The following PKIB variants were observed in gnomAD, a reference collection of about 807,000 sequenced individuals.
PKIB encodes cAMP-dependent protein kinase inhibitor beta.
PKIB carries 2 observed loss-of-function variants against 4.5 expected under a neutral mutation model. The ratio of observed to expected loss-of-function variants is 0.44; its 90% CI spans 0.18 to 1.39. The LOEUF (loss-of-function observed/expected upper bound fraction) is 1.39, where lower values mean the gene tolerates loss of function less well. Ranked by LOEUF, PKIB falls within the 40% of genes most tolerant of loss-of-function variation. The pLI, the probability that PKIB is intolerant of heterozygous loss-of-function variation, is 0.27. For synonymous variants in PKIB, 38 were observed against 36.0 expected (o/e 1.06, Z -0.20); for missense variants, 94 against 92.6 (o/e 1.02, Z -0.06).
intron 2 of PKIB, among the ~76,000 whole-genome samples, chr6:122,524,691 T>A (rs1217548357): frequency 6.6e-6 from 1 of 152,122 alleles, no homozygotes; most frequent in Non-Finnish European, 1.5e-5. Context: ...TATTTCTTCA[T>A]GAGTCAGTCT....
chr6:122,632,376 G>T (rs1775738293), intron 1 of PKIB, among the ~76,000 whole-genome samples: 1 of 152,088 alleles, frequency 6.6e-6, no homozygotes, highest in South Asian at 2.1e-4. Flanking sequence ...AAGAAACATG[G>T]CTCATTCATT....
chr6:122,645,284 A>C (rs1184652705), intron 2 of PKIB, among the ~76,000 whole-genome samples: 3 of 152,202 alleles, frequency 2.0e-5, no homozygotes, highest in Non-Finnish European at 4.4e-5. Flanking sequence ...TGTCAGTATA[A>C]GAGTTGGTGG....
intron 3 of PKIB, among the ~76,000 whole-genome samples, chr6:122,685,094 G>A (rs759406276): frequency 5.3e-5 from 8 of 151,964 alleles, no homozygotes; most frequent in Non-Finnish European, 1.2e-4. Context: ...ACTTGCCCCC[G>A]GTCATAGACA....
At chr6:122,527,100 C>A (rs111310498) in intron 2 of PKIB, among the ~76,000 whole-genome samples, 2 of 152,098 alleles carry the variant, frequency 1.3e-5, no homozygotes, top group African/African-American at 4.8e-5. Context: ...TAGCTCCCAG[C>A]TTTTCTTCTG....
intron 1 of PKIB, among the ~76,000 whole-genome samples, chr6:122,628,319 G>T (rs1235999422): frequency 6.6e-6 from 1 of 152,156 alleles, no homozygotes; most frequent in African/African-American, 2.4e-5. Flanking sequence ...TTACAGGCGT[G>T]AGCCACCGCG....
chr6:122,514,455 A>C (rs1776684644), intron 2 of PKIB, among the ~76,000 whole-genome samples: 1 of 152,244 alleles, frequency 6.6e-6, no homozygotes, highest in Non-Finnish European at 1.5e-5. Flanking sequence ...ACGTGAGTTC[A>C]CAAAAATATT....
At chr6:122,493,859 G>A (rs1266952531) in intron 2 of PKIB, among the ~76,000 whole-genome samples, 1 of 151,950 alleles carries the variant, frequency 6.6e-6, no homozygotes, top group Non-Finnish European at 1.5e-5. Flanking sequence ...CCACAGCCAG[G>A]GACCACATTG....
chr6:122,690,039 G>T (rs567772713), intron 3 of PKIB, among the ~76,000 whole-genome samples: 2 of 141,486 alleles, frequency 1.4e-5, no homozygotes, highest in East Asian at 2.4e-4. Flanking sequence ...TTGTCTTGAA[G>T]TACATTTTTT....
intron 2 of PKIB, among the ~76,000 whole-genome samples, chr6:122,521,611 C>T (rs1236518158): frequency 2.6e-5 from 4 of 151,918 alleles, no homozygotes; most frequent in Admixed American, 6.6e-5. Flanking sequence ...ACACAGGAGG[C>T]GGAGCTTGCA....
intron 1 of PKIB, among the ~76,000 whole-genome samples, chr6:122,617,446 C>G (rs1775040244): frequency 6.6e-6 from 1 of 152,128 alleles, no homozygotes; most frequent in Non-Finnish European, 1.5e-5. Flanking sequence ...TAGTTTGTTT[C>G]AACTCTGAGA....
At chr6:122,578,171 G>T (rs370331782) in intron 2 of PKIB, among the ~76,000 whole-genome samples, 1 of 152,082 alleles carries the variant, frequency 6.6e-6, no homozygotes, top group Admixed American at 6.6e-5. Context: ...TACTTTAAAT[G>T]TGAGTAAAAT....
intron 2 of PKIB, among the ~76,000 whole-genome samples, chr6:122,513,218 C>G (rs1436444174): frequency 6.6e-6 from 1 of 152,174 alleles, no homozygotes; most frequent in African/African-American, 2.4e-5. Flanking sequence ...GAGGAGCATA[C>G]TTTCCCACAC....
chr6:122,577,733 C>A (rs964098260), intron 2 of PKIB, among the ~76,000 whole-genome samples: 1 of 151,738 alleles, frequency 6.6e-6, no homozygotes, highest in Non-Finnish European at 1.5e-5. Flanking sequence ...CACAGTGAAA[C>A]CCCGTCTCTA....
chr6:122,573,737 C>T (rs1773442946), intron 2 of PKIB, among the ~76,000 whole-genome samples: 1 of 151,924 alleles, frequency 6.6e-6, no homozygotes, highest in Non-Finnish European at 1.5e-5. Flanking sequence ...TGTGATAAAA[C>T]CCTCAGCAAA....
In PKIB at chr6:122,621,776, G is replaced by A. The variant is rs1205846780; in HGVS notation, c.-161+11241G>A. 2.6e-5 allele frequency among the ~76,000 whole-genome samples: 4 copies of A among 152,186 alleles called. No individual in the cohort carries two copies. In the East Asian group the frequency reaches 5.8e-4, roughly 22 times the overall value. ...TTAAATAGATTGGACTTGATTGAAC[G>A]TTTCAAATTACAGGAAAAATGGAAT... is the stretch of plus-strand genomic sequence containing the variant. On this transcript the variant is annotated intron_variant, in intron 1 of 4. Transcript: ENST00000368452.
At chr6:122,552,008 G>C (rs73547267) in intron 2 of PKIB, among the ~76,000 whole-genome samples, 1 of 150,024 alleles carries the variant, frequency 6.7e-6, no homozygotes, top group Non-Finnish European at 1.5e-5. Context: ...GTGCATTCTC[G>C]ATGTCATGTT....
chr6:122,705,564 C>CTTTTTTT (rs142542177), intron 3 of PKIB, among the ~76,000 whole-genome samples: 2 of 113,394 alleles, frequency 1.8e-5, no homozygotes, highest in Non-Finnish European at 1.7e-5. Context: ...GAAAGCGCAT[C>CTTTTTTT]TTTTTTTTTT....
intron 2 of PKIB, among the ~76,000 whole-genome samples, chr6:122,522,975 ATTGT>A (rs1776989705): frequency 6.6e-6 from 1 of 152,134 alleles, no homozygotes; most frequent in Non-Finnish European, 1.5e-5. Context: ...GATATCTTTC[ATTGT>A]TTGTTTTGAC....
chr6:122,705,164 A>G (rs184805325), intron 3 of PKIB, among the ~76,000 whole-genome samples: 9 of 152,324 alleles, frequency 5.9e-5, no homozygotes, highest in African/African-American at 2.2e-4. Flanking sequence ...TCCATGATCA[A>G]AAATTTCTCC....
Sources: gnomAD v4.1 joint callset for allele counts (sites outside exome capture counted in the v4.1 genomes callset) on GRCh38, gnomAD v4.1.1 for gene constraint, MANE v1.5 for transcripts, NCBI Gene and HGNC (gene_info 2026-07-23, HGNC 2026-07-21) for gene names.